Variants in PAX6 observed in about 807,000 individuals in gnomAD.
PAX6 encodes the protein paired box 6.
A neutral mutation model predicts 60.7 loss-of-function variants in PAX6; 7 were observed. The ratio of observed to expected loss-of-function variants is 0.12; its 90% CI spans 0.07 to 0.22. The LOEUF is 0.22. PAX6 is among the 10% of genes least tolerant of loss of function. PAX6 has a pLI of 1.00. For synonymous variants in PAX6, 208 were observed against 201.2 expected, an observed-to-expected ratio of 1.03 and a Z score of -0.29; for missense variants, 355 against 555.2, an observed-to-expected ratio of 0.64 and a Z score of 3.62.
At chr11:31,801,803 C>T in intron 6 of PAX6, 27 bp from the exon 7 acceptor site, 1 of 1,614,078 alleles carries the variant, frequency 6.2e-7, no homozygotes, top group Non-Finnish European at 8.5e-7. Flanking sequence ...GACAGAAAAC[C>T]ACATTATTAA....
Position 31,790,865 on chromosome 11 carries a change from G to A in PAX6, c.1075-5C>T. ...GGTCTGGCTGGGGACTGGGGGCTGTGAGGAGAGAGGCAAACCTGTGGTTAC... is the reference window on the plus strand; with the variant it reads ...GGTCTGGCTGGGGACTGGGGGCTGTAAGGAGAGAGGCAAACCTGTGGTTAC... On this transcript the variant is annotated splice_region_variant and splice_polypyrimidine_tract_variant and intron_variant, in intron 12 of 13. Transcript: ENST00000640368. The A allele has an allele frequency of 6.2e-7, 1 of 1,613,820 alleles. No individual in the cohort carries two copies. The highest frequency in any genetic ancestry group is 1.1e-5 in the South Asian group (1 of 90,988).
chr11:31,801,998 AC>A, intron 5 of PAX6, 86 bp from the exon 6 acceptor site: 1 of 1,053,414 alleles, frequency 9.5e-7, no homozygotes, highest in Non-Finnish European at 1.5e-6. Flanking sequence ...AGCCCTAAAA[AC>A]TACAAATATG....
At chr11:31,790,971 C>G (rs1295579691) in intron 12 of PAX6, 111 bp from the exon 13 acceptor site, 3 of 1,134,032 alleles carry the variant, frequency 2.6e-6, no homozygotes, top group African/African-American at 1.5e-5. Flanking sequence ...ATTAAAGATG[C>G]CTTCACGTGA....
In PAX6 at chr11:31,811,142, T is replaced by C. The variant is rs1021397118; in HGVS notation, c.-344A>G. The C allele has an allele frequency of 2.5e-6, 1 of 399,244 alleles. No homozygotes were observed. The highest frequency in any genetic ancestry group is 4.4e-6 in the Non-Finnish European group (1 of 226,282). The allele number at this position is 399,244 out of a possible 1,614,324, so 24.7% of individuals were successfully genotyped here. On this transcript the variant is annotated 5_prime_UTR_variant, in exon 1 of 14. Coordinates refer to ENST00000640368, the MANE Select transcript of PAX6 (RefSeq NM_001368894.2). ...ATGCTGATTGGTGATGGCTCAAGTG[T>C]GTTAATGTGTGTGTGCCGGCGCCCG...
intron 4 of PAX6, chr11:31,803,916 C>T (rs936147802): frequency 1.3e-5 from 2 of 152,262 alleles, no homozygotes; most frequent in Admixed American, 6.5e-5. Flanking sequence ...CACACAAAGC[C>T]AATTGCCAAT....
chr11:31,798,993 AC>A (rs1952639350), intron 8 of PAX6, among the ~76,000 whole-genome samples: 1 of 152,210 alleles, frequency 6.6e-6, no homozygotes, highest in South Asian at 2.1e-4. Context: ...GGCCTAGGCC[AC>A]CGTGCCCTGA....
chr11:31,799,892 A>G (rs932939943), intron 8 of PAX6, among the ~76,000 whole-genome samples: 1 of 151,996 alleles, frequency 6.6e-6, no homozygotes, highest in Admixed American at 6.5e-5. Context: ...CCTATTCTTG[A>G]CCAAGCTACC....
chr11:31,791,441 A>C (rs767645279), intron 12 of PAX6: 1 of 170,228 alleles, frequency 5.9e-6, no homozygotes, highest in African/African-American at 2.4e-5. Flanking sequence ...CATCCTGAGA[A>C]TTAACCATGA....
chr11:31,794,132 T>C lies in PAX6; in HGVS notation c.725-18A>G, dbSNP rs2134615673. 1 of 1,545,084 alleles carries C rather than the reference T, an allele frequency of 6.5e-7. No individual in the cohort carries two copies. Among genetic ancestry groups the C allele is most frequent in the Non-Finnish European group, 9.0e-7 (1 of 1,117,194 alleles). On this transcript the variant is annotated intron_variant, in intron 9 of 13. Transcript: ENST00000640368. ...CTCAAACTCTGAAAGAGTAAGTTGA[T>C]TTTCCATATTGTGCCAGAACTACAC... is the stretch of plus-strand genomic sequence containing the variant.
At chr11:31,808,302 A>T (rs1465796930) in intron 2 of PAX6, 1 of 152,234 alleles carries the variant, frequency 6.6e-6, no homozygotes, top group Non-Finnish European at 1.5e-5. Context: ...ATAAAAATAA[A>T]CCGAAAATGA....
chr11:31,796,430 G>A (rs1951530076), intron 8 of PAX6, among the ~76,000 whole-genome samples: 1 of 146,950 alleles, frequency 6.8e-6, no homozygotes, highest in Admixed American at 6.7e-5. Context: ...ATCACTGTCC[G>A]AAGAGCGGGC....
intron 2 of PAX6, chr11:31,809,431 A>G (rs757570380): frequency 1.7e-4 from 25 of 151,284 alleles, no homozygotes; most frequent in Non-Finnish European, 1.2e-4. Context: ...AATAAAAAGG[A>G]AGAAAGAAAG....
upstream of PAX6, among the ~76,000 whole-genome samples, chr11:31,813,394 G>A (rs1388083145): frequency 4.8e-4 from 50 of 104,840 alleles, 1 homozygote; most frequent in Admixed American, 3.5e-3. Flanking sequence ...GGGGGCGGGG[G>A]GGGGGGAAGT....
upstream of PAX6, chr11:31,811,529 T>A: frequency 7.5e-6 from 2 of 266,454 alleles, no homozygotes; most frequent in East Asian, 6.4e-5. Context: ...GGCGCTCGCC[T>A]GCATCTCCCC....
rs181456283 is a variant in PAX6 at position 31,789,293 on chromosome 11, C to G, written c.*641G>C. The G allele has an allele frequency of 4.3e-6, 1 of 231,172 alleles. No homozygotes were observed. Among genetic ancestry groups the G allele is most frequent in the African/African-American group, 2.2e-5 (1 of 45,080 alleles). The allele number at this position is 231,172 out of a possible 1,614,324, so 14.3% of individuals were successfully genotyped here. A position where few individuals can be genotyped will look rare whatever the true frequency, so the allele number is the denominator to read the frequency against. ...TGACATAAAACAAATTGGATTATATCGAAGACACACTCTACCTTTTAGCTA... is the reference window on the plus strand; with the variant it reads ...TGACATAAAACAAATTGGATTATATGGAAGACACACTCTACCTTTTAGCTA... On this transcript the variant is annotated 3_prime_UTR_variant, in exon 14 of 14. Coordinates refer to ENST00000640368, the MANE Select transcript of PAX6 (RefSeq NM_001368894.2).
chr11:31,800,890 G>C (rs755758716), intron 7 of PAX6, 34 bp from the exon 8 acceptor site: 3 of 1,609,062 alleles, frequency 1.9e-6, no homozygotes, highest in Non-Finnish European at 2.6e-6. Flanking sequence ...CCAAATGGTA[G>C]TGTCTCCTGA....
upstream of PAX6, among the ~76,000 whole-genome samples, chr11:31,815,565 A>G (rs983117953): frequency 6.6e-6 from 1 of 152,130 alleles, no homozygotes; most frequent in Non-Finnish European, 1.5e-5. Context: ...TCGCTCAAGC[A>G]TCCAGGGAAC....
At chr11:31,796,403 C>G (rs1171886705) in intron 8 of PAX6, among the ~76,000 whole-genome samples, 1 of 151,344 alleles carries the variant, frequency 6.6e-6, no homozygotes, top group Non-Finnish European at 1.5e-5. Flanking sequence ...GTTAACCCCT[C>G]TGCTCTGCTA....
In PAX6 at chr11:31,790,027, T is replaced by C. The variant is rs1182967446; in HGVS notation, c.1226-8A>G. ...CACCAGGGGAAATGAGTCCTAGAAG[T>C]GGATGAAAGAAATAGCCATGTAGAT... On this transcript the variant is annotated splice_polypyrimidine_tract_variant and splice_region_variant and intron_variant, in intron 13 of 13. Coordinates refer to ENST00000640368, the MANE Select transcript of PAX6 (RefSeq NM_001368894.2). The C allele has an allele frequency of 3.2e-6, 5 of 1,548,886 alleles. No homozygotes were observed. Among genetic ancestry groups the C allele is most frequent in the Non-Finnish European group, 4.3e-6 (5 of 1,150,978 alleles).
Sources: allele counts gnomAD v4.1 joint callset (sites outside exome capture counted in the v4.1 genomes callset), GRCh38; gene constraint gnomAD v4.1.1; transcripts MANE v1.5; gene names NCBI Gene and HGNC (gene_info 2026-07-23, HGNC 2026-07-21).